The following KCNMB2 variants were observed in gnomAD, a reference collection of about 807,000 sequenced individuals.
KCNMB2 encodes potassium calcium-activated channel subfamily M regulatory beta subunit 2.
A neutral mutation model predicts 24.5 loss-of-function variants in KCNMB2; 9 were observed. That is an observed-to-expected ratio of 0.37 (90% CI 0.22 to 0.64). The LOEUF is 0.64. KCNMB2 is among the 30% of genes least tolerant of loss of function. KCNMB2 has a pLI of 0.63. For missense variants in KCNMB2, 226 were observed against 284.3 expected, an observed-to-expected ratio of 0.79 and a Z score of 1.47; for synonymous variants, 109 against 104.4, an observed-to-expected ratio of 1.04 and a Z score of -0.27.
intron 1 of KCNMB2, among the ~76,000 whole-genome samples, chr3:178,546,556 C>A (rs1715781321): frequency 6.6e-6 from 1 of 152,198 alleles, no homozygotes; most frequent in Admixed American, 6.5e-5. Flanking sequence ...AATTCATTCT[C>A]CATCCTACTA....
At chr3:178,794,025 C>A (rs1713432521) in intron 1 of KCNMB2, among the ~76,000 whole-genome samples, 1 of 152,154 alleles carries the variant, frequency 6.6e-6, no homozygotes, top group South Asian at 2.1e-4. Context: ...CCAAGGTCTT[C>A]ACAGGCTGGA....
chr3:178,683,429 C>T (rs561828409), intron 1 of KCNMB2, among the ~76,000 whole-genome samples: 5 of 152,098 alleles, frequency 3.3e-5, no homozygotes, highest in African/African-American at 9.6e-5. Context: ...CAGCATCATG[C>T]AATATATCCA....
chr3:178,562,619 G>GTAAAGTGATTAAATCC (rs1716364737), intron 1 of KCNMB2, among the ~76,000 whole-genome samples: 1 of 152,148 alleles, frequency 6.6e-6, no homozygotes, highest in South Asian at 2.1e-4. Context: ...TATTTTGAAG[G>GTAAAGTGATTAAATCC]TAAAGTGATT....
At chr3:178,649,688 T>A (rs1449899521) in intron 1 of KCNMB2, among the ~76,000 whole-genome samples, 1 of 152,150 alleles carries the variant, frequency 6.6e-6, no homozygotes, top group African/African-American at 2.4e-5. Flanking sequence ...TGATGGTAGT[T>A]TGTATTTCTG....
At chr3:178,658,100 G>T (rs1320987324) in intron 1 of KCNMB2, among the ~76,000 whole-genome samples, 1 of 152,138 alleles carries the variant, frequency 6.6e-6, no homozygotes, top group African/African-American at 2.4e-5. Flanking sequence ...CTTGGTATTG[G>T]CACTTTAGAA....
chr3:178,571,411 G>C (rs1298519124), intron 1 of KCNMB2, among the ~76,000 whole-genome samples: 1 of 135,780 alleles, frequency 7.4e-6, no homozygotes, highest in African/African-American at 2.6e-5. Flanking sequence ...ATATTTGTAG[G>C]TAAGGCAAAA....
chr3:178,659,168 G>A (rs1316999534), intron 1 of KCNMB2, among the ~76,000 whole-genome samples: 2 of 152,248 alleles, frequency 1.3e-5, no homozygotes, highest in Non-Finnish European at 2.9e-5. Flanking sequence ...GGAATTCTAT[G>A]CATGTCTCCA....
chr3:178,601,714 A>G (rs1360508998), intron 1 of KCNMB2, among the ~76,000 whole-genome samples: 1 of 152,104 alleles, frequency 6.6e-6, no homozygotes. Context: ...TTAAAGTTAC[A>G]CCACCGCCAA....
At chr3:178,591,291 A>G (rs751039384) in intron 1 of KCNMB2, among the ~76,000 whole-genome samples, 2 of 152,244 alleles carry the variant, frequency 1.3e-5, no homozygotes, top group Non-Finnish European at 2.9e-5. Flanking sequence ...CTGCCAAAAG[A>G]AAGAGCTGAC....
intron 1 of KCNMB2, among the ~76,000 whole-genome samples, chr3:178,573,586 A>C (rs960640043): frequency 2.7e-5 from 4 of 150,026 alleles, no homozygotes; most frequent in Non-Finnish European, 4.5e-5. Context: ...CAAAACATAA[A>C]AAAAAAAAAA....
chr3:178,540,001 C>G (rs1349095355), intron 1 of KCNMB2, among the ~76,000 whole-genome samples: 1 of 152,150 alleles, frequency 6.6e-6, no homozygotes, highest in Non-Finnish European at 1.5e-5. Context: ...TTCCTCTAAC[C>G]TCCATACTTA....
chr3:178,751,025 G>C (rs1244216639), intron 1 of KCNMB2, among the ~76,000 whole-genome samples: 1 of 152,098 alleles, frequency 6.6e-6, no homozygotes, highest in Non-Finnish European at 1.5e-5. Context: ...TAGAAACCCA[G>C]GATAGTTTTG....
intron 1 of KCNMB2, among the ~76,000 whole-genome samples, chr3:178,582,903 C>T (rs79170347): frequency 0.027 from 4,142 of 152,132 alleles, 90 homozygotes; most frequent in East Asian, 0.096. Flanking sequence ...TGCATGACCA[C>T]GAGCAAATTA....
chr3:178,624,244 ATTTT>A (rs35333167), intron 1 of KCNMB2, among the ~76,000 whole-genome samples: 6,998 of 144,216 alleles, frequency 0.049, 259 homozygotes, highest in South Asian at 0.16. Context: ...TTACTGGGTA[ATTTT>A]TTTTTTTTTT....
At position 178,802,912 on chromosome 3, in the gene KCNMB2, A is replaced by C. The variant is rs566089639; in HGVS notation, c.-67-4431A>C. On this transcript the variant is annotated intron_variant, in intron 1 of 4. Coordinates refer to ENST00000452583, the MANE Select transcript of KCNMB2 (RefSeq NM_181361.3). The stretch of plus-strand genomic sequence containing the variant: ...ATCAATAGTCTAAATGTACAAGTAC[A>C]AAGTGACTTAATCGAATTTTTTTAC... Among the ~76,000 whole-genome samples the C allele has an allele frequency of 1.2e-4, 18 of 152,368 alleles. No individual in the cohort carries two copies. In the South Asian group the frequency reaches 3.3e-3, roughly 28 times the overall value.
intron 1 of KCNMB2, among the ~76,000 whole-genome samples, chr3:178,734,893 T>G (rs1455189696): frequency 6.6e-6 from 1 of 152,256 alleles, no homozygotes; most frequent in African/African-American, 2.4e-5. Context: ...ATATTCAAGT[T>G]TTCTGAAAAT....
rs868167694 is a variant in KCNMB2 at position 178,758,552 on chromosome 3, C to T, written c.-67-48791C>T. 9.5e-4 allele frequency among the ~76,000 whole-genome samples: 15 copies of T among 15,786 alleles called. 2 individuals carry two copies. Among genetic ancestry groups the T allele is most frequent in the Non-Finnish European group, 1.7e-3 (14 of 8,302 alleles). The allele number at this position is 15,786 out of a possible 152,430, so 10.4% of individuals were successfully genotyped here. On this transcript the variant is annotated intron_variant, in intron 1 of 4. Coordinates refer to ENST00000452583, the MANE Select transcript of KCNMB2 (RefSeq NM_181361.3). ...TATATATATATATATATATATATAT[C>T]CAAGAGGAGATATATATATATATAT...
At chr3:178,655,158 G>A (rs996411119) in intron 1 of KCNMB2, among the ~76,000 whole-genome samples, 3 of 135,470 alleles carry the variant, frequency 2.2e-5, no homozygotes, top group Non-Finnish European at 3.2e-5. Flanking sequence ...CTATTTCTCT[G>A]GGACTTAGTG....
intron 1 of KCNMB2, among the ~76,000 whole-genome samples, chr3:178,676,985 C>T (rs1721092400): frequency 6.6e-6 from 1 of 152,122 alleles, no homozygotes; most frequent in Admixed American, 6.5e-5. Flanking sequence ...TAGGAGTGGC[C>T]AACCTCAAAC....
Sources: allele counts gnomAD v4.1 joint callset (sites outside exome capture counted in the v4.1 genomes callset), GRCh38; gene constraint gnomAD v4.1.1; transcripts MANE v1.5; gene names NCBI Gene and HGNC (gene_info 2026-07-23, HGNC 2026-07-21).